Variants in FRMPD3 observed in about 807,000 individuals in gnomAD.
The protein encoded by FRMPD3 is FERM and PDZ domain-containing protein 3.
FRMPD3 carries 42 observed loss-of-function variants against 97.9 expected under a neutral mutation model. The observed-to-expected ratio is 0.43, with a 90% CI of 0.34 to 0.55. FRMPD3 has a LOEUF of 0.55. Ranked by LOEUF, FRMPD3 falls within the 20% of genes least tolerant of loss-of-function variation. The pLI, the probability that FRMPD3 is intolerant of heterozygous loss-of-function variation, is 0.03. For missense variants in FRMPD3, 1,303 were observed against 1,457.7 expected, an observed-to-expected ratio of 0.89 and a Z score of 1.73; for synonymous variants, 577 against 581.1, an observed-to-expected ratio of 0.99 and a Z score of 0.10.
At chrX:107,503,943 C>T (rs1921972175) in intron 1 of FRMPD3, among the ~76,000 whole-genome samples, 1 of 112,453 alleles carries the variant, frequency 8.9e-6, no homozygotes, top group Admixed American at 9.4e-5. Context: ...AAAGCATTTC[C>T]CCAGGAGACC....
chrX:107,550,874 A>C (rs779846369), intron 6 of FRMPD3, among the ~76,000 whole-genome samples: 1 of 111,926 alleles, frequency 8.9e-6, no homozygotes, highest in South Asian at 3.7e-4. Context: ...TAATGCAACT[A>C]ATGCCGCCCA....
At chrX:107,459,698 G>A (rs1436514173) in intron 1 of FRMPD3, among the ~76,000 whole-genome samples, 1 of 112,678 alleles carries the variant, frequency 8.9e-6, no homozygotes, top group Non-Finnish European at 1.9e-5. Context: ...AGATGAATGA[G>A]TACAGTAGTT....
At chrX:107,525,727 G>A in intron 1 of FRMPD3, 1 of 545,684 alleles carries the variant, frequency 1.8e-6, no homozygotes, top group Non-Finnish European at 3.3e-6. Flanking sequence ...ATTTATATAT[G>A]CTACTTAAAT....
rs979022108 is a variant in FRMPD3, at chrX:107,597,932, C to T, written c.2053C>T (p.Arg685Cys). The change falls in exon 14 of 15, where the codon CGC becomes TGC. Residue 685 changes from arginine (R) to cysteine (C), a missense_variant. This residue lies in a region of FRMPD3 where 535 missense variants were observed against 618.6 expected (regional missense o/e 0.86). Coordinates refer to ENST00000683843, the MANE Select transcript of FRMPD3 (RefSeq NM_001388459.1). ...CAGCTCTGATGAGGATGACCCCAAGCGCCGGGCTGTCCAGAGCCAGGAACA... is the reference window on the plus strand; with the variant it reads ...CAGCTCTGATGAGGATGACCCCAAGTGCCGGGCTGTCCAGAGCCAGGAACA... ...DNSSDEDDPK[R>C]RAVQSQEQGR... 4.1e-6 allele frequency: 5 copies of T among 1,208,715 alleles called. No individual in the cohort carries two copies. The African/African-American group carries it at 5.3e-5, about 13-fold the overall frequency.
rs756480833 is a variant in FRMPD3 at position 107,597,607 on chromosome X, C to T, written c.1728C>T (p.Val576=). ...SKSSGQGYEV[V]PDDFDAASLD... is the part of the protein sequence containing the mutation. ...GCTCTGGCCAAGGTTATGAGGTAGT[C>T]CCTGATGACTTTGATGCAGCTAGCC... Residue 576 remains valine, a synonymous_variant, in exon 14 of 15, where the codon GTC becomes GTT. Transcript: ENST00000683843. 8.3e-7 allele frequency: 1 copy of T among 1,210,964 alleles called. No individual in the cohort carries two copies. Among genetic ancestry groups the T allele is most frequent in the East Asian group, 3.0e-5 (1 of 33,832 alleles).
chrX:107,468,392 G>C (rs1931612469), intron 1 of FRMPD3, among the ~76,000 whole-genome samples: 1 of 112,440 alleles, frequency 8.9e-6, no homozygotes, highest in Admixed American at 9.4e-5. Context: ...CTCTGTTCTA[G>C]ATGCTGGGGA....
intron 1 of FRMPD3, among the ~76,000 whole-genome samples, chrX:107,506,215 G>A (rs953251771): frequency 6.2e-5 from 7 of 112,183 alleles, no homozygotes; most frequent in Non-Finnish European, 1.3e-4. Flanking sequence ...GAGGTAAAGA[G>A]GGATGGCCAC....
In FRMPD3 at chrX:107,603,489, G is replaced by A; in HGVS notation, c.*116G>A. 1 of 1,088,629 alleles carries A rather than the reference G, an allele frequency of 9.2e-7. No individual in the cohort carries two copies. The highest frequency in any genetic ancestry group is 1.2e-6 in the Non-Finnish European group (1 of 835,327). 89.7% of individuals were successfully genotyped at this position (1,088,629 alleles called of 1,213,427 possible). On this transcript the variant is annotated 3_prime_UTR_variant, in exon 15 of 15. Coordinates refer to ENST00000683843, the MANE Select transcript of FRMPD3 (RefSeq NM_001388459.1). ...CTGCTGGGCCAGTCAGGGTCCAAGAGCCCATCAGTCTCCGGGGAGTGGAAA... is the reference window on the plus strand; with the variant it reads ...CTGCTGGGCCAGTCAGGGTCCAAGAACCCATCAGTCTCCGGGGAGTGGAAA...
At chrX:107,574,453 G>A (rs1024926986) in intron 12 of FRMPD3, among the ~76,000 whole-genome samples, 1 of 112,196 alleles carries the variant, frequency 8.9e-6, no homozygotes, top group African/African-American at 3.2e-5. Context: ...TATGTACAAT[G>A]GCAGAGTTGT....
intron 8 of FRMPD3, among the ~76,000 whole-genome samples, chrX:107,559,991 G>A (rs1922272042): frequency 9.3e-6 from 1 of 107,985 alleles, no homozygotes; most frequent in African/African-American, 3.4e-5. Context: ...CTTTTGCAGT[G>A]AACTGGACTG....
At chrX:107,561,960 C>T (rs897432252) in intron 10 of FRMPD3, among the ~76,000 whole-genome samples, 2 of 112,257 alleles carry the variant, frequency 1.8e-5, no homozygotes, top group African/African-American at 6.5e-5. Context: ...TGGGGAAACA[C>T]ATTAGTCAGT....
chrX:107,576,415 C>T lies in FRMPD3; in HGVS notation c.1397C>T (p.Ser466Phe), dbSNP rs1345195324. The change falls in exon 13 of 15, where the codon TCC becomes TTC. Residue 466 changes from serine to phenylalanine, a missense_variant. Physicochemically the swap from Ser to Phe is radical, Grantham distance 155. Coordinates refer to ENST00000683843, the MANE Select transcript of FRMPD3 (RefSeq NM_001388459.1). ...CTGGATTCCAGGAAGATGGTCTTCTCCAGGCCTGCCAGCCAGCCACTTCCA... is the reference window on the plus strand; with the variant it reads ...CTGGATTCCAGGAAGATGGTCTTCTTCAGGCCTGCCAGCCAGCCACTTCCA... The part of the protein sequence containing the change: ...LLLDSRKMVF[S>F]RPASQPLPPP... 8.3e-7 allele frequency: 1 copy of T among 1,210,700 alleles called. No individual in the cohort carries two copies. Among genetic ancestry groups the T allele is most frequent in the South Asian group, 1.8e-5 (1 of 56,955 alleles).
chrX:107,580,455 C>T (rs1190486178), intron 13 of FRMPD3, among the ~76,000 whole-genome samples: 1 of 111,775 alleles, frequency 8.9e-6, no homozygotes, highest in Non-Finnish European at 1.9e-5. Context: ...CTGGCCTTGA[C>T]AGTCTAGTGC....
In FRMPD3 at chrX:107,576,390, C is replaced by A; in HGVS notation, c.1372C>A (p.Leu458Met). Reference sequence around the variant, plus strand: ...GATCGCGGGGTACTGCCGCCTCTTGCTGGATTCCAGGAAGATGGTCTTCTC... The same window carrying A: ...GATCGCGGGGTACTGCCGCCTCTTGATGGATTCCAGGAAGATGGTCTTCTC... ...CLIAGYCRLL[L>M]DSRKMVFSRP... Residue 458 changes from leucine to methionine, a missense_variant, in exon 13 of 15, where the codon CTG becomes ATG. Leu to Met is a conservative substitution (Grantham distance 15). This residue lies in a region of FRMPD3 where 535 missense variants were observed against 618.6 expected (regional missense o/e 0.86). Transcript: ENST00000683843. The A allele has an allele frequency of 8.3e-7, 1 of 1,210,862 alleles. No individual in the cohort carries two copies. The highest frequency in any genetic ancestry group is 1.8e-5 in the South Asian group (1 of 57,002).
chrX:107,502,462 T>C (rs1428206234), intron 1 of FRMPD3, among the ~76,000 whole-genome samples: 2 of 110,631 alleles, frequency 1.8e-5, no homozygotes, highest in African/African-American at 6.6e-5. Context: ...TTTGGCCTCA[T>C]CCCCTGGCAA....
At chrX:107,451,316 C>G (rs765222401) in intron 1 of FRMPD3, among the ~76,000 whole-genome samples, 2 of 112,386 alleles carry the variant, frequency 1.8e-5, no homozygotes, top group Non-Finnish European at 3.8e-5. Flanking sequence ...GCGCCCTTCT[C>G]GAAGTGGAGG....
intron 8 of FRMPD3, among the ~76,000 whole-genome samples, chrX:107,556,223 C>G (rs1922073274): frequency 1.8e-5 from 2 of 111,144 alleles, no homozygotes; most frequent in African/African-American, 6.5e-5. Context: ...GGAACGTTTC[C>G]CAGACAGCCT....
At chrX:107,500,786 C>T (rs1164352619) in intron 1 of FRMPD3, among the ~76,000 whole-genome samples, 1 of 90,579 alleles carries the variant, frequency 1.1e-5, no homozygotes, top group African/African-American at 4.4e-5. Flanking sequence ...CCAGCCTGGG[C>T]GACAGAGTAA....
intron 12 of FRMPD3, among the ~76,000 whole-genome samples, chrX:107,572,126 T>G (rs1013894919): frequency 1.8e-5 from 2 of 112,347 alleles, no homozygotes; most frequent in Admixed American, 1.9e-4. Context: ...AGTCCTGGAA[T>G]GAATGGATGC....
Sources: allele counts gnomAD v4.1 joint callset (sites outside exome capture counted in the v4.1 genomes callset), GRCh38; gene constraint gnomAD v4.1.1; regional missense constraint gnomAD v4.1.1; transcripts MANE v1.5; gene names NCBI Gene and HGNC (gene_info 2026-07-23, HGNC 2026-07-21).